The following EXOC4 variants were observed in gnomAD, a reference collection of about 807,000 sequenced individuals.
The protein encoded by EXOC4 is exocyst complex component 4.
In EXOC4, 71 loss-of-function variants were observed where a neutral mutation model predicts 107.2. The ratio of observed to expected loss-of-function variants is 0.66; its 90% CI spans 0.55 to 0.81. The LOEUF (loss-of-function observed/expected upper bound fraction) is 0.81. EXOC4 is among the 30% of genes least tolerant of loss of function. The pLI is 0.00. For missense variants in EXOC4, 1,108 were observed against 1,189.6 expected, an observed-to-expected ratio of 0.93 and a Z score of 1.01; for synonymous variants, 456 against 441.2, an observed-to-expected ratio of 1.03 and a Z score of -0.42.
intron 10 of EXOC4, among the ~76,000 whole-genome samples, chr7:133,789,214 A>G (rs1310913901): frequency 1.3e-5 from 2 of 152,150 alleles, no homozygotes; most frequent in Non-Finnish European, 2.9e-5. Flanking sequence ...GGGCCAGAGC[A>G]TTTTCTGGAC....
In EXOC4 at chr7:133,700,247, G is replaced by A. The variant is rs370459035; in HGVS notation, c.1514+70106G>A. Among the ~76,000 whole-genome samples the A allele has an allele frequency of 6.8e-4, 104 of 152,194 alleles. 1 individual carries two copies. Among genetic ancestry groups the A allele is most frequent in the Admixed American group, 9.8e-4 (15 of 15,290 alleles). ...AGTACCAAAGAGATTGATTTAACACGCAATATTTTACAGTTATATGTTAAC... is the reference window on the plus strand; with the variant it reads ...AGTACCAAAGAGATTGATTTAACACACAATATTTTACAGTTATATGTTAAC... On this transcript the variant is annotated intron_variant, in intron 10 of 17. Transcript: ENST00000253861.
intron 9 of EXOC4, among the ~76,000 whole-genome samples, chr7:133,572,829 TA>T (rs889899235): frequency 6.6e-6 from 1 of 152,208 alleles, no homozygotes; most frequent in Non-Finnish European, 1.5e-5. Flanking sequence ...TATAGTGATT[TA>T]AAAAGGCTTA....
chr7:133,606,398 T>C (rs1222966962), intron 9 of EXOC4, among the ~76,000 whole-genome samples: 4 of 152,092 alleles, frequency 2.6e-5, no homozygotes, highest in Admixed American at 2.0e-4. Context: ...ATCCCTTATA[T>C]CCTGAATATC....
At chr7:133,611,022 C>T (rs560581575) in intron 9 of EXOC4, among the ~76,000 whole-genome samples, 1 of 146,276 alleles carries the variant, frequency 6.8e-6, no homozygotes, top group African/African-American at 2.5e-5. Flanking sequence ...GGAGTTTCAC[C>T]TGAACTCCCG....
chr7:133,322,275 T>C (rs1319101398), intron 5 of EXOC4, among the ~76,000 whole-genome samples: 3 of 151,802 alleles, frequency 2.0e-5, no homozygotes, highest in Non-Finnish European at 4.4e-5. Flanking sequence ...TTTGGTGTTT[T>C]AGACAAAGTC....
intron 14 of EXOC4, among the ~76,000 whole-genome samples, chr7:133,955,087 G>A: frequency 6.6e-6 from 1 of 152,226 alleles, no homozygotes; most frequent in African/African-American, 2.4e-5. Context: ...CTTGTTGCTT[G>A]CAACTTGGTG....
intron 9 of EXOC4, among the ~76,000 whole-genome samples, chr7:133,609,401 T>G (rs889058319): frequency 6.6e-6 from 1 of 152,212 alleles, no homozygotes; most frequent in African/African-American, 2.4e-5. Context: ...TACATGTATA[T>G]TGTGACTGCA....
intron 9 of EXOC4, among the ~76,000 whole-genome samples, chr7:133,624,261 A>G (rs759602650): frequency 1.3e-5 from 2 of 152,196 alleles, no homozygotes; most frequent in South Asian, 2.1e-4. Flanking sequence ...CAAGATGGTT[A>G]TAATTTCAAC....
intron 17 of EXOC4, among the ~76,000 whole-genome samples, chr7:134,030,568 C>T (rs1795245568): frequency 1.3e-5 from 2 of 152,096 alleles, no homozygotes; most frequent in Non-Finnish European, 2.9e-5. Flanking sequence ...GCCACAGCAG[C>T]CCCCATAAGG....
At chr7:133,299,818 C>A (rs997410762) in intron 3 of EXOC4, among the ~76,000 whole-genome samples, 15 of 152,142 alleles carry the variant, frequency 9.9e-5, no homozygotes, top group African/African-American at 3.6e-4. Flanking sequence ...TTGCATTAAG[C>A]CCTTAGTACC....
chr7:133,863,328 A>G (rs1197735531), intron 11 of EXOC4, among the ~76,000 whole-genome samples: 1 of 152,222 alleles, frequency 6.6e-6, no homozygotes, highest in Non-Finnish European at 1.5e-5. Context: ...ATGACTTGCA[A>G]TTAGGCAAAG....
chr7:133,414,722 T>C (rs1269989085), intron 7 of EXOC4, among the ~76,000 whole-genome samples: 1 of 152,172 alleles, frequency 6.6e-6, no homozygotes, highest in African/African-American at 2.4e-5. Flanking sequence ...ATATATGTGA[T>C]ATAGTGATTG....
chr7:133,630,250 A>G, intron 10 of EXOC4, 109 bp downstream of exon 10: 1 of 791,280 alleles, frequency 1.3e-6, no homozygotes. Flanking sequence ...CATAAAAGAA[A>G]TTTATTCCAT....
chr7:133,725,730 G>T (rs1046362284), intron 10 of EXOC4, among the ~76,000 whole-genome samples: 4 of 152,168 alleles, frequency 2.6e-5, no homozygotes, highest in Non-Finnish European at 5.9e-5. Flanking sequence ...ACTATTGACA[G>T]TATGTAAATG....
intron 14 of EXOC4, among the ~76,000 whole-genome samples, chr7:133,992,773 A>G (rs1287856910): frequency 6.7e-6 from 1 of 149,870 alleles, no homozygotes; most frequent in Non-Finnish European, 1.5e-5. Flanking sequence ...TGCTCTGGCT[A>G]GGATTCCAGT....
intron 17 of EXOC4, among the ~76,000 whole-genome samples, chr7:134,042,190 C>T (rs1429851358): frequency 6.6e-6 from 1 of 152,126 alleles, no homozygotes; most frequent in Admixed American, 6.5e-5. Flanking sequence ...AAAGATACAG[C>T]GACTTTAAGT....
chr7:134,016,932 T>C (rs1238487878), intron 17 of EXOC4, among the ~76,000 whole-genome samples: 1 of 152,178 alleles, frequency 6.6e-6, no homozygotes, highest in East Asian at 1.9e-4. Context: ...CTCCCCTCAC[T>C]CTTCTGAATC....
chr7:133,707,931 A>G (rs1156669581), intron 10 of EXOC4, among the ~76,000 whole-genome samples: 1 of 152,134 alleles, frequency 6.6e-6, no homozygotes, highest in Non-Finnish European at 1.5e-5. Context: ...CTGGATTTTG[A>G]AATTCTGAAA....
intron 10 of EXOC4, among the ~76,000 whole-genome samples, chr7:133,670,932 A>C (rs942152658): frequency 2.0e-5 from 3 of 152,312 alleles, no homozygotes; most frequent in Admixed American, 2.0e-4. Context: ...GAAGAAAAAT[A>C]AAGCGGGCTA....
Sources: allele counts gnomAD v4.1 joint callset (sites outside exome capture counted in the v4.1 genomes callset), GRCh38; gene constraint gnomAD v4.1.1; transcripts MANE v1.5; gene names NCBI Gene and HGNC (gene_info 2026-07-23, HGNC 2026-07-21).